CRABP1: variants seen among roughly 807,000 people sequenced by gnomAD.
CRABP1 encodes cellular retinoic acid binding protein 1, also known as cellular retinoic acid-binding protein 1.
CRABP1 carries 9 observed loss-of-function variants against 16.4 expected under a neutral mutation model. The ratio of observed to expected loss-of-function variants is 0.55; its 90% CI spans 0.33 to 0.96. The LOEUF (loss-of-function observed/expected upper bound fraction) is 0.96. CRABP1 is among the 40% of genes least tolerant of loss of function. CRABP1 has a pLI of 0.03. For missense variants in CRABP1, 157 were observed against 186.0 expected (o/e 0.84, Z 0.91); for synonymous variants, 72 against 70.4 (o/e 1.02, Z -0.11).
Position 78,340,445 on chromosome 15 carries a change from G to A in CRABP1, c.17G>A (p.Gly6Asp). 5.0e-6 allele frequency: 8 copies of A among 1,602,500 alleles called. No homozygotes were observed. Among genetic ancestry groups the A allele is most frequent in the Non-Finnish European group, 6.8e-6 (8 of 1,176,110 alleles). MPNFA[G>D]TWKMRSSENF... ...ACCGCCACCATGCCCAACTTCGCCG[G>A]CACCTGGAAGATGCGCAGCAGCGAG... Residue 6 changes from glycine to aspartate, a missense_variant, in exon 1 of 4, where the codon GGC becomes GAC. Coordinates refer to ENST00000299529, the MANE Select transcript of CRABP1 (RefSeq NM_004378.3).
rs138675050 is a variant in CRABP1 at position 78,345,258 on chromosome 15, G to T, written c.363+1646G>T. 3.2e-3 allele frequency among the ~76,000 whole-genome samples: 486 copies of T among 152,298 alleles called. 4 individuals are homozygous for T. Among genetic ancestry groups the T allele is most frequent in the African/African-American group, 0.011 (465 of 41,564 alleles). ...AGCCTTGAAATTACATGTTTATTCT[G>T]CAAGAAGACCCTAAATTGAGCTATT... On this transcript the variant is annotated intron_variant, in intron 3 of 3. Transcript: ENST00000299529.
At chr15:78,343,275 G>A (rs1469358896) in intron 2 of CRABP1, among the ~76,000 whole-genome samples, 1 of 152,164 alleles carries the variant, frequency 6.6e-6, no homozygotes, top group Admixed American at 6.5e-5. Context: ...GTGTGCTTGT[G>A]AGTGTGTGTG....
At position 78,341,320 on chromosome 15, in the gene CRABP1, C is replaced by A. The variant is rs2050233075; in HGVS notation, c.249+99C>A. 7.1e-7 allele frequency: 1 copy of A among 1,399,148 alleles called. No individual in the cohort carries two copies. Among genetic ancestry groups the A allele is most frequent in the Non-Finnish European group, 9.9e-7 (1 of 1,008,242 alleles). The allele number at this position is 1,399,148 out of a possible 1,614,324, so 86.7% of individuals were successfully genotyped here. On this transcript the variant is annotated intron_variant, in intron 2 of 3. Coordinates refer to ENST00000299529, the MANE Select transcript of CRABP1 (RefSeq NM_004378.3). The surrounding 1 kb of genome is among the most constrained non-coding windows in gnomAD (Gnocchi z 5.3). The stretch of plus-strand genomic sequence containing the variant: ...CTGTGTCTCCCTTTGCAGCCTGTGG[C>A]GCGCCTTCCTTGCAGGGTGTGTACA...
At chr15:78,342,515 A>AC (rs1595955202) in intron 2 of CRABP1, among the ~76,000 whole-genome samples, 2 of 151,224 alleles carry the variant, frequency 1.3e-5, no homozygotes, top group South Asian at 4.2e-4. Context: ...GCTCTGGCCC[A>AC]CCCCCCAGCC....
intron 3 of CRABP1, among the ~76,000 whole-genome samples, chr15:78,347,612 T>C (rs1314973789): frequency 1.3e-5 from 2 of 152,240 alleles, no homozygotes; most frequent in East Asian, 3.8e-4. Context: ...AAATGTCCAT[T>C]GTGACATTCT....
Position 78,341,320 on chromosome 15 carries a change from C to T in CRABP1, c.249+99C>T. 1 of 1,399,148 alleles carries T rather than the reference C, an allele frequency of 7.1e-7. No individual in the cohort carries two copies. Among genetic ancestry groups the T allele is most frequent in the Non-Finnish European group, 9.9e-7 (1 of 1,008,242 alleles). 86.7% of individuals were successfully genotyped at this position (1,399,148 alleles called of 1,614,324 possible). A position where few individuals can be genotyped will look rare whatever the true frequency, so the allele number is the denominator to read the frequency against. On this transcript the variant is annotated intron_variant, in intron 2 of 3. Coordinates refer to ENST00000299529, the MANE Select transcript of CRABP1 (RefSeq NM_004378.3). The surrounding 1 kb of genome is among the most constrained non-coding windows in gnomAD (Gnocchi z 5.3). ...CTGTGTCTCCCTTTGCAGCCTGTGG[C>T]GCGCCTTCCTTGCAGGGTGTGTACA...
chr15:78,343,349 T>C (rs2050245866), intron 2 of CRABP1, 150 bp from the exon 3 acceptor site: 1 of 646,100 alleles, frequency 1.5e-6, no homozygotes, highest in Admixed American at 2.7e-5. Flanking sequence ...ATTTGGACTT[T>C]ATAAGGCTCA....
intron 3 of CRABP1, among the ~76,000 whole-genome samples, chr15:78,344,244 T>C (rs539231593): frequency 6.6e-6 from 1 of 152,278 alleles, no homozygotes; most frequent in East Asian, 1.9e-4. Flanking sequence ...GTGGATCACC[T>C]GAGGTTGCAA....
At position 78,340,877 on chromosome 15, in the gene CRABP1, C is replaced by T. The variant is rs2050228988; in HGVS notation, c.71-166C>T. 5.5e-6 allele frequency: 4 copies of T among 722,508 alleles called. No homozygotes were observed. In the South Asian group the frequency reaches 5.7e-5, roughly 10 times the overall value. 44.8% of individuals were successfully genotyped at this position (722,508 alleles called of 1,614,324 possible). A position where few individuals can be genotyped will look rare whatever the true frequency, so the allele number is the denominator to read the frequency against. Reference sequence around the variant, plus strand: ...GTGCAACTCGAGGAAAGTCACTTACCCTCTCTGTGCCTCAGTCTCTCATCT... The same window carrying T: ...GTGCAACTCGAGGAAAGTCACTTACTCTCTCTGTGCCTCAGTCTCTCATCT... On this transcript the variant is annotated intron_variant, in intron 1 of 3. Transcript: ENST00000299529.
At chr15:78,342,071 G>T (rs1223960954) in intron 2 of CRABP1, among the ~76,000 whole-genome samples, 1 of 151,842 alleles carries the variant, frequency 6.6e-6, no homozygotes, top group African/African-American at 2.4e-5. Flanking sequence ...CCTTTCCTGA[G>T]CAGTGCCTGG....
chr15:78,347,109 T>C lies in CRABP1; in HGVS notation c.364-818T>C, dbSNP rs564654860. 2.6e-5 allele frequency among the ~76,000 whole-genome samples: 4 copies of C among 152,206 alleles called. No individual in the cohort carries two copies. The South Asian group carries it at 8.3e-4, about 32-fold the overall frequency. ...TTGGGGGAAAGTTGAGACAGTTTACTTGTGGGCAATATCATTTCAGGGGCC... is the reference window on the plus strand; with the variant it reads ...TTGGGGGAAAGTTGAGACAGTTTACCTGTGGGCAATATCATTTCAGGGGCC... On this transcript the variant is annotated intron_variant, in intron 3 of 3. Transcript: ENST00000299529.
chr15:78,344,231 C>T (rs752560583), intron 3 of CRABP1, among the ~76,000 whole-genome samples: 33 of 152,104 alleles, frequency 2.2e-4, no homozygotes, highest in Admixed American at 6.5e-5. Context: ...GGGGCCAAAG[C>T]GGGTGGATCA....
In CRABP1 at chr15:78,341,136, C is replaced by A. The variant is rs752662005; in HGVS notation, c.164C>A (p.Thr55Lys). The A allele has an allele frequency of 1.9e-6, 3 of 1,613,160 alleles. No individual in the cohort carries two copies. Residue 55 changes from threonine to lysine, a missense_variant, in exon 2 of 4, where the codon ACA becomes AAA. Physicochemically the swap from Thr to Lys is moderately conservative, Grantham distance 78. Coordinates refer to ENST00000299529, the MANE Select transcript of CRABP1 (RefSeq NM_004378.3). The surrounding 1 kb of genome is among the most constrained non-coding windows in gnomAD (Gnocchi z 5.3). ...GACGGGGATCAGTTCTACATCAAGA[C>A]ATCCACCACGGTGCGCACCACTGAG... ...RQDGDQFYIKTSTTVRTTEIN... is the reference protein window; with the variant it reads ...RQDGDQFYIKKSTTVRTTEIN...
In CRABP1 at chr15:78,343,630, C is replaced by T; in HGVS notation, c.363+18C>T. The stretch of plus-strand genomic sequence containing the variant: ...TTATCCTGGTAGGGAACCCTTGACC[C>T]TGAAATAATCCTGAAGTTCCCCCAG... On this transcript the variant is annotated intron_variant, in intron 3 of 3. Transcript: ENST00000299529. 1 of 1,606,924 alleles carries T rather than the reference C, an allele frequency of 6.2e-7. No individual in the cohort carries two copies. The highest frequency in any genetic ancestry group is 8.5e-7 in the Non-Finnish European group (1 of 1,173,994).
intron 3 of CRABP1, among the ~76,000 whole-genome samples, chr15:78,344,609 G>A (rs2050255070): frequency 6.6e-6 from 1 of 152,074 alleles, no homozygotes; most frequent in Non-Finnish European, 1.5e-5. Context: ...GCTGAGGGCA[G>A]AACAATCCCC....
At chr15:78,340,692 C>A in intron 1 of CRABP1, 194 bp downstream of exon 1, 1 of 659,542 alleles carries the variant, frequency 1.5e-6, no homozygotes, top group Non-Finnish European at 2.6e-6. Flanking sequence ...GGAACCCACG[C>A]GTTCAGCGAA....
Position 78,341,669 on chromosome 15 carries a change from T to C in CRABP1, c.249+448T>C, listed in dbSNP as rs766583478. 6 of 281,642 alleles carry C rather than the reference T, an allele frequency of 2.1e-5. No individual in the cohort carries two copies. The highest frequency in any genetic ancestry group is 3.5e-5 in the Non-Finnish European group (5 of 142,746). The allele number at this position is 281,642 out of a possible 1,614,324, so 17.4% of individuals were successfully genotyped here. A position where few individuals can be genotyped will look rare whatever the true frequency, so the allele number is the denominator to read the frequency against. ...GTCCCTGGGCCGCCTGGGTACGCTC[T>C]GGATACAGTTTTAGCAGTCCCGATG... is the stretch of plus-strand genomic sequence containing the variant. On this transcript the variant is annotated intron_variant, in intron 2 of 3. Transcript: ENST00000299529. This position sits in a 1 kb window ranked among gnomAD's most constrained non-coding sequence, Gnocchi z 5.3.
At position 78,341,139 on chromosome 15, in the gene CRABP1, C is replaced by T. The variant is rs758370990; in HGVS notation, c.167C>T (p.Ser56Phe). 2.5e-6 allele frequency: 4 copies of T among 1,612,884 alleles called. No individual in the cohort carries two copies. Among genetic ancestry groups the T allele is most frequent in the Non-Finnish European group, 3.4e-6 (4 of 1,179,628 alleles). Residue 56 changes from serine to phenylalanine, a missense_variant, in exon 2 of 4, where the codon TCC (serine) becomes TTC (phenylalanine). Transcript: ENST00000299529. The surrounding 1 kb of genome is among the most constrained non-coding windows in gnomAD (Gnocchi z 5.3). The part of the protein sequence containing the change: ...QDGDQFYIKT[S>F]TTVRTTEINF... Reference sequence around the variant, plus strand: ...GGGGATCAGTTCTACATCAAGACATCCACCACGGTGCGCACCACTGAGATC... The same window carrying T: ...GGGGATCAGTTCTACATCAAGACATTCACCACGGTGCGCACCACTGAGATC...
intron 1 of CRABP1, 131 bp from the exon 2 acceptor site, chr15:78,340,912 G>C: frequency 1.1e-6 from 1 of 938,150 alleles, no homozygotes; most frequent in Non-Finnish European, 1.6e-6. Flanking sequence ...TCGAAAACAA[G>C]GGCGAGGGCA....
Sources: gnomAD v4.1 joint callset for allele counts (sites outside exome capture counted in the v4.1 genomes callset) on GRCh38, gnomAD v4.1.1 for gene constraint, Gnocchi (gnomAD v3.1) non-coding constraint, MANE v1.5 for transcripts, NCBI Gene and HGNC (gene_info 2026-07-23, HGNC 2026-07-21) for gene names.